APC: variants seen among roughly 807,000 people sequenced by gnomAD.
APC encodes the protein APC regulator of Wnt signaling pathway.
A neutral mutation model predicts 247.0 loss-of-function variants in APC; 72 were observed. That is an observed-to-expected ratio of 0.29 (90% CI 0.24 to 0.35). The LOEUF (loss-of-function observed/expected upper bound fraction) is 0.35, where lower values mean the gene tolerates loss of function less well. APC is among the 10% of genes least tolerant of loss of function. The pLI is 1.00. For missense variants in APC, 3,400 were observed against 3,360.7 expected (o/e 1.01, Z -0.29); for synonymous variants, 1,254 against 1,162.5 (o/e 1.08, Z -1.60).
chr5:112,720,635 G>A (rs1304948151), intron 1 of APC, among the ~76,000 whole-genome samples: 2 of 152,226 alleles, frequency 1.3e-5, no homozygotes, highest in East Asian at 3.8e-4. Context: ...TAGGTCGTCA[G>A]CAAAGAGTGG....
intron 4 of APC, among the ~76,000 whole-genome samples, chr5:112,767,726 G>A (rs1756521706): frequency 6.6e-6 from 1 of 152,020 alleles, no homozygotes; most frequent in South Asian, 2.1e-4. Flanking sequence ...CACCTCCTGG[G>A]TTCAAGCGGT....
Position 112,842,111 on chromosome 5 carries a change from A to G in APC, c.6517A>G (p.Lys2173Glu), listed in dbSNP as rs1256844270. 2.5e-6 allele frequency: 4 copies of G among 1,611,500 alleles called. No homozygotes were observed. Among genetic ancestry groups the G allele is most frequent in the East Asian group, 4.5e-5 (2 of 44,878 alleles). Reference protein sequence around the residue: ...KGPRILKPGEKSTLETKKIES... With the variant: ...KGPRILKPGEESTLETKKIES... ...CCCACGAATTCTAAAACCAGGGGAG[A>G]AAAGTACATTGGAAACTAAAAAGAT... Residue 2173 changes from lysine (K) to glutamate (E), a missense_variant, in exon 16 of 16, where the codon AAA becomes GAA. Coordinates refer to ENST00000257430, the MANE Select transcript of APC (RefSeq NM_000038.6).
chr5:112,817,585 A>G (rs945925540), intron 9 of APC, among the ~76,000 whole-genome samples: 2 of 152,208 alleles, frequency 1.3e-5, no homozygotes, highest in African/African-American at 4.8e-5. Context: ...TGTAGTTTTT[A>G]CTATAAAGAA....
At position 112,738,405 on chromosome 5, in the gene APC, C is replaced by T. The variant is rs1175426842; in HGVS notation, c.-19+480C>T. Reference sequence around the variant, plus strand: ...GAGGAGACAAAACCGCTGCAGATGGCTGATGTGAATCTAGTGGAAAGAGCT... The same window carrying T: ...GAGGAGACAAAACCGCTGCAGATGGTTGATGTGAATCTAGTGGAAAGAGCT... On this transcript the variant is annotated intron_variant, in intron 1 of 15. Transcript: ENST00000257430. The T allele has an allele frequency of 3.0e-6, 3 of 985,586 alleles. No individual in the cohort carries two copies. The highest frequency in any genetic ancestry group is 9.4e-5 in the South Asian group (2 of 21,294). The allele number at this position is 985,586 out of a possible 1,614,324, so 61.1% of individuals were successfully genotyped here.
intron 14 of APC, chr5:112,829,198 G>GCACAA: frequency 2.4e-6 from 1 of 419,254 alleles, no homozygotes; most frequent in Non-Finnish European, 4.5e-6. Flanking sequence ...GAGTGCAGTG[G>GCACAA]TCTGATCTTG....
At position 112,843,571 on chromosome 5, in the gene APC, G is replaced by A. The variant is rs1392424178; in HGVS notation, c.7977G>A (p.Val2659=). The change falls in exon 16 of 16, where the codon GTG becomes GTA. Residue 2659 remains valine (V), a synonymous_variant. Transcript: ENST00000257430. The surrounding 1 kb of genome is among the most constrained non-coding windows in gnomAD (Gnocchi z 4.8). ...TTTCTAAAACAGAGGATGTTTGGGT[G>A]AGAATTGAGGACTGTCCCATTAACA... ...PAVSKTEDVW[V]RIEDCPINNP... 1.3e-5 allele frequency: 21 copies of A among 1,613,854 alleles called. No homozygotes were observed. Among genetic ancestry groups the A allele is most frequent in the Middle Eastern group, 1.6e-4 (1 of 6,082 alleles).
intron 4 of APC, among the ~76,000 whole-genome samples, chr5:112,769,097 G>GC (rs112909269): frequency 0.027 from 3,651 of 135,430 alleles, 179 homozygotes; most frequent in African/African-American, 0.1. Context: ...TGTCGCCCAG[G>GC]CTAGAGTGCA....
At chr5:112,835,655 C>T (rs1764811328) in intron 15 of APC, among the ~76,000 whole-genome samples, 1 of 151,178 alleles carries the variant, frequency 6.6e-6, no homozygotes, top group African/African-American at 2.4e-5. Context: ...TCACTGCAAC[C>T]TCCACCTCCT....
At position 112,762,943 on chromosome 5, in the gene APC, T is replaced by TA. The variant is rs201398300; in HGVS notation, c.136-3381dup. ...TGGATGGTATCATCTTAAGGCAAAG[T>TA]AACTGGATGTGACTGTAAATTTACA... is the stretch of plus-strand genomic sequence containing the variant. On this transcript the variant is annotated intron_variant, in intron 2 of 15. Coordinates refer to ENST00000257430, the MANE Select transcript of APC (RefSeq NM_000038.6). Among the ~76,000 whole-genome samples, 146 of 152,314 alleles carry TA rather than the reference T, an allele frequency of 9.6e-4. 3 individuals carry two copies. The East Asian group carries it at 0.024, about 25-fold the overall frequency.
At chr5:112,781,504 C>T (rs910772715) in intron 6 of APC, among the ~76,000 whole-genome samples, 1 of 152,128 alleles carries the variant, frequency 6.6e-6, no homozygotes, top group Non-Finnish European at 1.5e-5. Flanking sequence ...TTGCCAATTG[C>T]CTTATCTGTT....
chr5:112,844,073 G>A lies in APC; in HGVS notation c.8479G>A (p.Gly2827Arg), dbSNP rs749104647. Residue 2827 changes from glycine (G) to arginine (R), a missense_variant, in exon 16 of 16, where the codon GGA becomes AGA. Physicochemically the swap from Gly to Arg is moderately radical, Grantham distance 125. Transcript: ENST00000257430. The stretch of plus-strand genomic sequence containing the variant: ...CAAAACTGACAGCACAGAATCCAGT[G>A]GAACCCAAAGTCCTAAGCGCCATTC... ...DSKTDSTESS[G>R]TQSPKRHSGS... The A allele has an allele frequency of 6.2e-7, 1 of 1,608,594 alleles. No individual in the cohort carries two copies. The highest frequency in any genetic ancestry group is 8.5e-7 in the Non-Finnish European group (1 of 1,178,752).
chr5:112,773,644 T>G (rs371450090), intron 4 of APC, among the ~76,000 whole-genome samples: 1 of 152,134 alleles, frequency 6.6e-6, no homozygotes, highest in East Asian at 1.9e-4. Context: ...CATAATGAAG[T>G]GGAAGGGAAT....
chr5:112,827,522 G>C (rs1763825659), intron 12 of APC, among the ~76,000 whole-genome samples: 1 of 142,320 alleles, frequency 7.0e-6, no homozygotes, highest in Admixed American at 7.4e-5. Context: ...GATCATTTCT[G>C]TGATCCATTA....
chr5:112,789,268 C>G (rs1052651973), intron 6 of APC, among the ~76,000 whole-genome samples: 1 of 152,080 alleles, frequency 6.6e-6, no homozygotes, highest in African/African-American at 2.4e-5. Flanking sequence ...TCCAAAAATC[C>G]AAATTGTGAA....
At chr5:112,748,766 T>C (rs1412890709) in intron 1 of APC, among the ~76,000 whole-genome samples, 2 of 152,074 alleles carry the variant, frequency 1.3e-5, no homozygotes, top group African/African-American at 4.8e-5. Flanking sequence ...TGAGCCCAGA[T>C]CATGCCACTG....
chr5:112,835,982 G>A (rs1394940256), intron 15 of APC, among the ~76,000 whole-genome samples: 1 of 141,574 alleles, frequency 7.1e-6, no homozygotes, highest in Non-Finnish European at 1.5e-5. Flanking sequence ...CTCGGATGCT[G>A]TATTATATCA....
rs771339661 is a variant in APC at position 112,839,256 on chromosome 5, C to G, written c.3662C>G (p.Pro1221Arg). 1 of 1,614,128 alleles carries G rather than the reference C, an allele frequency of 6.2e-7. No homozygotes were observed. Among genetic ancestry groups the G allele is most frequent in the Non-Finnish European group, 8.5e-7 (1 of 1,180,024 alleles). Residue 1221 changes from proline (P) to arginine (R), a missense_variant, in exon 16 of 16, where the codon CCT (proline) becomes CGT (arginine). By Grantham distance (103) the Pro-to-Arg change is moderately radical. Coordinates refer to ENST00000257430, the MANE Select transcript of APC (RefSeq NM_000038.6). This position sits in a 1 kb window ranked among gnomAD's most constrained non-coding sequence, Gnocchi z 5.0. ...TCAAGCAGTGAGAATACGTCCACACCTTCATCTAATGCCAAGAGGCAGAAT... is the reference window on the plus strand; with the variant it reads ...TCAAGCAGTGAGAATACGTCCACACGTTCATCTAATGCCAAGAGGCAGAAT... Reference protein sequence around the residue: ...MSSSSENTSTPSSNAKRQNQL... With the variant: ...MSSSSENTSTRSSNAKRQNQL...
chr5:112,816,133 T>TTGG (rs1044638153), intron 9 of APC, among the ~76,000 whole-genome samples: 4 of 152,334 alleles, frequency 2.6e-5, no homozygotes, highest in Admixed American at 6.5e-5. Context: ...CTTGCCTGCA[T>TTGG]TGGTGGGGAC....
intron 1 of APC, among the ~76,000 whole-genome samples, chr5:112,742,610 T>A (rs1211632436): frequency 6.6e-6 from 1 of 152,192 alleles, no homozygotes; most frequent in Non-Finnish European, 1.5e-5. Flanking sequence ...GAGACCTCAG[T>A]TCCTTGTCAC....
Sources: allele counts gnomAD v4.1 joint callset (sites outside exome capture counted in the v4.1 genomes callset), GRCh38; gene constraint gnomAD v4.1.1; non-coding constraint Gnocchi (gnomAD v3.1); transcripts MANE v1.5; gene names NCBI Gene and HGNC (gene_info 2026-07-23, HGNC 2026-07-21).